Variants in PLCE1 observed in about 807,000 individuals in gnomAD.
PLCE1 encodes 1-phosphatidylinositol 4,5-bisphosphate phosphodiesterase epsilon-1.
Under a neutral mutation model 242.8 loss-of-function variants are expected in PLCE1, and 119 were observed. That is an observed-to-expected ratio of 0.49 (90% CI 0.42 to 0.57). The LOEUF (loss-of-function observed/expected upper bound fraction) is 0.57. PLCE1 is among the 20% of genes least tolerant of loss of function. PLCE1 has a pLI of 0.00. For synonymous variants in PLCE1, 945 were observed against 1,017.4 expected (o/e 0.93, Z 1.35); for missense variants, 2,441 against 2,788.8 (o/e 0.88, Z 2.81).
intron 19 of PLCE1, among the ~76,000 whole-genome samples, chr10:94,274,990 A>G (rs2051889386): frequency 6.6e-6 from 1 of 152,098 alleles, no homozygotes; most frequent in African/African-American, 2.4e-5. Context: ...TTCTTTATCC[A>G]ACAATTCCTG....
intron 27 of PLCE1, among the ~76,000 whole-genome samples, chr10:94,312,893 TTTA>T (rs2053430875): frequency 1.3e-5 from 2 of 152,318 alleles, no homozygotes; most frequent in South Asian, 4.1e-4. Context: ...GGCAGAACAT[TTTA>T]TTATTACCAT....
intron 2 of PLCE1, among the ~76,000 whole-genome samples, chr10:94,052,597 C>G (rs1299516365): frequency 6.6e-6 from 1 of 151,976 alleles, no homozygotes; most frequent in Non-Finnish European, 1.5e-5. Context: ...TTTCCTTAAG[C>G]AAAAAGGGAA....
chr10:94,309,317 CTTT>C (rs35780786), intron 27 of PLCE1, among the ~76,000 whole-genome samples: 2 of 146,738 alleles, frequency 1.4e-5, no homozygotes, highest in East Asian at 2.0e-4. Context: ...GCAGAATCTG[CTTT>C]TTTTTTTTTC....
chr10:94,026,074 A>T (rs761630148), intron 1 of PLCE1, among the ~76,000 whole-genome samples: 6 of 152,180 alleles, frequency 3.9e-5, no homozygotes, highest in Non-Finnish European at 7.4e-5. Flanking sequence ...TTTGGGACTC[A>T]GTATGTAGTT....
intron 2 of PLCE1, among the ~76,000 whole-genome samples, chr10:94,089,733 G>T (rs940591083): frequency 6.6e-6 from 1 of 152,150 alleles, no homozygotes; most frequent in Non-Finnish European, 1.5e-5. Flanking sequence ...CATTTAATGT[G>T]ATGAAAACGT....
At chr10:94,191,140 C>T (rs79249152) in intron 4 of PLCE1, among the ~76,000 whole-genome samples, 4,850 of 152,204 alleles carry the variant, frequency 0.032, 96 homozygotes, top group Middle Eastern at 0.068. Context: ...AGATGATTAT[C>T]ATATTACCCT....
At position 94,176,304 on chromosome 10, in the gene PLCE1, G is replaced by A. The variant is rs565048200; in HGVS notation, c.1809+4808G>A. On this transcript the variant is annotated intron_variant, in intron 4 of 32. Coordinates refer to ENST00000371380, the MANE Select transcript of PLCE1 (RefSeq NM_016341.4). ...GGTCTCAGCTACTTGGGAGGCTGAG[G>A]TGGGAGGATTGCCTGATCCTGGGAG... Among the ~76,000 whole-genome samples, 70 of 152,256 alleles carry A rather than the reference G, an allele frequency of 4.6e-4. 2 individuals carry two copies. In the South Asian group the frequency reaches 8.9e-3, roughly 19 times the overall value.
At position 94,134,781 on chromosome 10, in the gene PLCE1, T is replaced by C. The variant is rs146801808; in HGVS notation, c.1492+2322T>C. 4.0e-3 allele frequency among the ~76,000 whole-genome samples: 612 copies of C among 152,314 alleles called. 21 individuals carry two copies. The highest frequency in any genetic ancestry group is 0.032 in the Admixed American group (494 of 15,300). Reference sequence around the variant, plus strand: ...TGTATTTGCACTTCCCTGTTCGAAATAGAACCTCATAGATCAATATTTCTA... The same window carrying C: ...TGTATTTGCACTTCCCTGTTCGAAACAGAACCTCATAGATCAATATTTCTA... On this transcript the variant is annotated intron_variant, in intron 3 of 32. Transcript: ENST00000371380.
At chr10:94,033,431 C>G (rs1201105382) in intron 2 of PLCE1, among the ~76,000 whole-genome samples, 1 of 152,032 alleles carries the variant, frequency 6.6e-6, no homozygotes, top group African/African-American at 2.4e-5. Context: ...GGATATCTAT[C>G]ACAACTGTAA....
intron 4 of PLCE1, among the ~76,000 whole-genome samples, chr10:94,188,080 C>G (rs763719426): frequency 6.6e-6 from 1 of 152,130 alleles, no homozygotes; most frequent in African/African-American, 2.4e-5. Context: ...CACCCCCCAG[C>G]ACCATAATTC....
chr10:94,323,262 AG>A (rs2133891409), intron 30 of PLCE1, among the ~76,000 whole-genome samples: 1 of 152,322 alleles, frequency 6.6e-6, no homozygotes, highest in South Asian at 2.1e-4. Flanking sequence ...TAGCCTTGTT[AG>A]GGTAGGCCAT....
At chr10:94,279,742 A>G (rs751089014) in intron 19 of PLCE1, 40 bp from the exon 20 acceptor site, 59 of 1,607,762 alleles carry the variant, frequency 3.7e-5, no homozygotes, top group Non-Finnish European at 4.9e-5. Flanking sequence ...TGAATTCATT[A>G]ACTTGGCATC....
At chr10:94,114,327 T>C (rs935820164) in intron 2 of PLCE1, among the ~76,000 whole-genome samples, 1 of 152,156 alleles carries the variant, frequency 6.6e-6, no homozygotes, top group Non-Finnish European at 1.5e-5. Flanking sequence ...CAGATGAGTA[T>C]AGACAGTAAT....
chr10:94,232,005 G>A (rs2050162765), intron 5 of PLCE1, among the ~76,000 whole-genome samples: 1 of 152,168 alleles, frequency 6.6e-6, no homozygotes, highest in African/African-American at 2.4e-5. Flanking sequence ...TTTACATAAA[G>A]TTTAAAAATA....
intron 3 of PLCE1, among the ~76,000 whole-genome samples, chr10:94,139,154 C>T (rs187588901): frequency 6.4e-4 from 97 of 152,250 alleles, no homozygotes; most frequent in East Asian, 4.8e-3. Context: ...CATAGTGGCA[C>T]GTGCCTGTAA....
intron 27 of PLCE1, among the ~76,000 whole-genome samples, chr10:94,311,397 G>A (rs574457672): frequency 6.6e-6 from 1 of 152,278 alleles, no homozygotes; most frequent in African/African-American, 2.4e-5. Context: ...GATTTCAAAG[G>A]TTTTAGGAGC....
intron 4 of PLCE1, among the ~76,000 whole-genome samples, chr10:94,185,409 T>A (rs1191944861): frequency 6.6e-6 from 1 of 152,090 alleles, no homozygotes; most frequent in Non-Finnish European, 1.5e-5. Context: ...GGCAGGAGAA[T>A]CACTTGAACC....
intron 3 of PLCE1, among the ~76,000 whole-genome samples, chr10:94,142,146 G>A (rs2046991686): frequency 2.0e-5 from 3 of 152,072 alleles, no homozygotes; most frequent in South Asian, 4.2e-4. Context: ...GTACCTCTAG[G>A]CTTTAGTTTC....
chr10:94,008,804 A>T (rs2061104089), intron 1 of PLCE1, among the ~76,000 whole-genome samples: 1 of 152,188 alleles, frequency 6.6e-6, no homozygotes, highest in Non-Finnish European at 1.5e-5. Flanking sequence ...AGGAGAAAGG[A>T]GGTAGAAAAT....
Sources: allele counts gnomAD v4.1 joint callset (sites outside exome capture counted in the v4.1 genomes callset), GRCh38; gene constraint gnomAD v4.1.1; transcripts MANE v1.5; gene names NCBI Gene and HGNC (gene_info 2026-07-23, HGNC 2026-07-21).